The following STXBP5L variants were observed in gnomAD, a reference collection of about 807,000 sequenced individuals.
STXBP5L encodes syntaxin binding protein 5L, also known as syntaxin-binding protein 5-like.
A neutral mutation model predicts 144.5 loss-of-function variants in STXBP5L; 65 were observed. The ratio of observed to expected loss-of-function variants is 0.45; its 90% CI spans 0.37 to 0.55. STXBP5L has a LOEUF of 0.55. Among genes scored for constraint, STXBP5L ranks in the 20% least tolerant of loss-of-function variants. STXBP5L has a pLI of 0.00. For missense variants in STXBP5L, 1,298 were observed against 1,405.5 expected, an observed-to-expected ratio of 0.92 and a Z score of 1.22; for synonymous variants, 505 against 469.6, an observed-to-expected ratio of 1.08 and a Z score of -0.97.
chr3:120,988,116 T>G (rs1271674511), intron 3 of STXBP5L, among the ~76,000 whole-genome samples: 1 of 151,734 alleles, frequency 6.6e-6, no homozygotes, highest in Non-Finnish European at 1.5e-5. Flanking sequence ...ATTTTCTCTT[T>G]TTTTTTTCCT....
At chr3:121,191,310 G>C (rs1052357542) in intron 9 of STXBP5L, among the ~76,000 whole-genome samples, 26 of 152,324 alleles carry the variant, frequency 1.7e-4, no homozygotes, top group African/African-American at 6.0e-4. Context: ...GGCTGAGGCT[G>C]GCAGATCACT....
intron 2 of STXBP5L, among the ~76,000 whole-genome samples, chr3:120,932,213 T>C (rs1709977774): frequency 6.6e-6 from 1 of 152,206 alleles, no homozygotes; most frequent in Non-Finnish European, 1.5e-5. Context: ...GACCAAAATG[T>C]CATTATGCAG....
rs1343850754 is a variant in STXBP5L, at chr3:121,092,534, T to C, written c.471-22391T>C. Among the ~76,000 whole-genome samples the C allele has an allele frequency of 2.0e-5, 3 of 152,188 alleles. No homozygotes were observed. The East Asian group carries it at 5.8e-4, about 29-fold the overall frequency. Reference sequence around the variant, plus strand: ...AGGTATTTTATTCTCTTTGAAGCAATTGGGAATGGGAGTTCATTCATGATT... The same window carrying C: ...AGGTATTTTATTCTCTTTGAAGCAACTGGGAATGGGAGTTCATTCATGATT... On this transcript the variant is annotated intron_variant, in intron 5 of 26. Coordinates refer to ENST00000471454, the MANE Select transcript of STXBP5L (RefSeq NM_001308330.2).
chr3:121,024,530 A>T (rs1038464300), intron 3 of STXBP5L, among the ~76,000 whole-genome samples: 4 of 152,182 alleles, frequency 2.6e-5, no homozygotes, highest in African/African-American at 9.6e-5. Context: ...GAATTCAGGT[A>T]ACTTCGAGTG....
chr3:121,193,077 ACAAAGGGCTAAT>A (rs1368175263), intron 9 of STXBP5L, among the ~76,000 whole-genome samples: 2 of 142,984 alleles, frequency 1.4e-5, no homozygotes, highest in Non-Finnish European at 1.5e-5. Context: ...TACCTATCTG[ACAAAGGGCTAAT>A]ATCCAGAATC....
At chr3:121,371,513 G>A (rs1006935746) in intron 20 of STXBP5L, among the ~76,000 whole-genome samples, 2 of 152,242 alleles carry the variant, frequency 1.3e-5, no homozygotes, top group African/African-American at 2.4e-5. Flanking sequence ...AGCAGCAGCA[G>A]CAGTGCAGCA....
intron 3 of STXBP5L, among the ~76,000 whole-genome samples, chr3:121,007,374 A>G (rs1355170667): frequency 6.6e-6 from 1 of 151,972 alleles, no homozygotes; most frequent in Non-Finnish European, 1.5e-5. Flanking sequence ...TGGTGTAGTT[A>G]TTAATAAAAT....
At chr3:121,352,929 A>G (rs2045352940) in intron 20 of STXBP5L, among the ~76,000 whole-genome samples, 1 of 152,088 alleles carries the variant, frequency 6.6e-6, no homozygotes, top group South Asian at 2.1e-4. Context: ...TTCTGCATCT[A>G]TTGAGATAAT....
At chr3:121,346,154 T>C (rs2044964222) in intron 20 of STXBP5L, among the ~76,000 whole-genome samples, 1 of 146,274 alleles carries the variant, frequency 6.8e-6, no homozygotes, top group Non-Finnish European at 1.5e-5. Context: ...CCTTCCTGTG[T>C]CCATGTGTTC....
At chr3:120,955,611 G>A (rs1298555840) in intron 3 of STXBP5L, among the ~76,000 whole-genome samples, 1 of 151,962 alleles carries the variant, frequency 6.6e-6, no homozygotes, top group Admixed American at 6.6e-5. Context: ...AGATGCACAT[G>A]TAGTTATAAG....
chr3:121,217,222 C>T (rs538983472), intron 10 of STXBP5L, among the ~76,000 whole-genome samples: 12 of 152,172 alleles, frequency 7.9e-5, no homozygotes, highest in African/African-American at 2.6e-4. Context: ...CAGGTGCCAG[C>T]GAGGTATGAA....
chr3:121,027,459 G>C (rs369053422), intron 3 of STXBP5L, among the ~76,000 whole-genome samples: 1 of 152,058 alleles, frequency 6.6e-6, no homozygotes. Context: ...ATATCAATGT[G>C]TTGGAAGAGC....
At chr3:121,302,141 C>T (rs1331641925) in intron 19 of STXBP5L, among the ~76,000 whole-genome samples, 1 of 152,082 alleles carries the variant, frequency 6.6e-6, no homozygotes, top group Admixed American at 6.6e-5. Context: ...CTCCTTGTAC[C>T]TCTGGTAGAA....
At chr3:120,965,659 G>A (rs1939476703) in intron 3 of STXBP5L, among the ~76,000 whole-genome samples, 1 of 152,150 alleles carries the variant, frequency 6.6e-6, no homozygotes. Flanking sequence ...TTAGTCTGAT[G>A]GGCTTCCCTT....
At position 121,195,672 on chromosome 3, in the gene STXBP5L, A is replaced by G. The variant is rs560993138; in HGVS notation, c.878-10251A>G. Reference sequence around the variant, plus strand: ...TGTGTATCACATTTTCTGCTTTAGTAAACTAATAGATTGCGTGACTCATCC... The same window carrying G: ...TGTGTATCACATTTTCTGCTTTAGTGAACTAATAGATTGCGTGACTCATCC... On this transcript the variant is annotated intron_variant, in intron 9 of 26. Coordinates refer to ENST00000471454, the MANE Select transcript of STXBP5L (RefSeq NM_001308330.2). Among the ~76,000 whole-genome samples the G allele has an allele frequency of 2.3e-4, 35 of 152,344 alleles. No individual in the cohort carries two copies. In the East Asian group the frequency reaches 5.6e-3, roughly 24 times the overall value.
intron 6 of STXBP5L, among the ~76,000 whole-genome samples, chr3:121,116,646 T>C (rs2044241809): frequency 6.6e-6 from 1 of 152,070 alleles, no homozygotes. Flanking sequence ...TCAAGATAAT[T>C]GGTGTGAGCT....
chr3:121,134,322 T>A (rs1459599478), intron 7 of STXBP5L, among the ~76,000 whole-genome samples: 1 of 152,170 alleles, frequency 6.6e-6, no homozygotes, highest in African/African-American at 2.4e-5. Context: ...AACCCATTAA[T>A]TCATTCATTA....
intron 3 of STXBP5L, among the ~76,000 whole-genome samples, chr3:120,999,190 C>G (rs764734640): frequency 1.3e-5 from 2 of 152,022 alleles, no homozygotes; most frequent in Admixed American, 1.3e-4. Flanking sequence ...GTAGCTGGGA[C>G]TACAGGCATA....
intron 3 of STXBP5L, among the ~76,000 whole-genome samples, chr3:120,982,895 C>A (rs1052737314): frequency 6.6e-6 from 1 of 152,136 alleles, no homozygotes; most frequent in African/African-American, 2.4e-5. Context: ...CTGGATTTGT[C>A]CTCAGGTCCC....
Sources: gnomAD v4.1 joint callset for allele counts (sites outside exome capture counted in the v4.1 genomes callset) on GRCh38, gnomAD v4.1.1 for gene constraint, MANE v1.5 for transcripts, NCBI Gene and HGNC (gene_info 2026-07-23, HGNC 2026-07-21) for gene names.